The following KIAA1217 variants were observed in gnomAD, a reference collection of about 807,000 sequenced individuals.
The protein encoded by KIAA1217 is sickle tail protein homolog.
A neutral mutation model predicts 163.9 loss-of-function variants in KIAA1217; 88 were observed. The observed-to-expected ratio is 0.54, with a 90% CI of 0.45 to 0.64. The LOEUF (loss-of-function observed/expected upper bound fraction) is 0.64, where lower values mean the gene tolerates loss of function less well. Ranked by LOEUF, KIAA1217 falls within the 30% of genes least tolerant of loss-of-function variation. KIAA1217 has a pLI of 0.00. For synonymous variants in KIAA1217, 903 were observed against 923.1 expected (o/e 0.98, Z 0.39); for missense variants, 2,372 against 2,475.0 (o/e 0.96, Z 0.88).
intron 1 of KIAA1217, among the ~76,000 whole-genome samples, chr10:23,752,887 A>G (rs150345252): frequency 2.1e-4 from 32 of 152,272 alleles, no homozygotes; most frequent in African/African-American, 7.2e-4. Flanking sequence ...ACATACTACA[A>G]TTTATCACAT....
intron 1 of KIAA1217, among the ~76,000 whole-genome samples, chr10:23,732,156 G>C (rs183384003): frequency 6.6e-6 from 1 of 151,986 alleles, no homozygotes; most frequent in Non-Finnish European, 1.5e-5. Flanking sequence ...AGATTGTAAA[G>C]AGCTCGTGTA....
intron 2 of KIAA1217, among the ~76,000 whole-genome samples, chr10:24,038,216 T>TATAC (rs1165134916): frequency 9.8e-5 from 15 of 152,298 alleles, no homozygotes; most frequent in African/African-American, 3.6e-4. Context: ...GAGGGTTTGA[T>TATAC]ATACACTAAA....
chr10:23,696,156 T>A (rs949199452), intron 1 of KIAA1217, among the ~76,000 whole-genome samples: 2 of 152,244 alleles, frequency 1.3e-5, no homozygotes, highest in African/African-American at 4.8e-5. Flanking sequence ...AATGGGATTC[T>A]CCCAAGGAGG....
intron 2 of KIAA1217, among the ~76,000 whole-genome samples, chr10:24,350,559 A>C (rs2048331749): frequency 6.6e-6 from 1 of 152,226 alleles, no homozygotes; most frequent in Non-Finnish European, 1.5e-5. Context: ...CCAAGCCATA[A>C]AACATCAGTA....
At chr10:24,078,389 T>C (rs551231821) in intron 2 of KIAA1217, among the ~76,000 whole-genome samples, 1 of 152,272 alleles carries the variant, frequency 6.6e-6, no homozygotes, top group African/African-American at 2.4e-5. Flanking sequence ...GGGGAGGACA[T>C]GTTTCCACTT....
chr10:24,024,719 C>T (rs996746503), intron 2 of KIAA1217, among the ~76,000 whole-genome samples: 1 of 151,642 alleles, frequency 6.6e-6, no homozygotes, highest in Non-Finnish European at 1.5e-5. Context: ...CACATTCTCA[C>T]CATAATTTGG....
intron 6 of KIAA1217, among the ~76,000 whole-genome samples, chr10:24,479,992 G>A (rs964501280): frequency 3.3e-5 from 5 of 152,170 alleles, no homozygotes; most frequent in Admixed American, 1.3e-4. Flanking sequence ...GCACTGCCAC[G>A]TGGGGGATCA....
rs555188373 is a variant in KIAA1217 at position 23,799,523 on chromosome 10, C to T, written c.-321+104289C>T. 2.2e-4 allele frequency among the ~76,000 whole-genome samples: 34 copies of T among 152,250 alleles called. 1 individual carries two copies. Among genetic ancestry groups the T allele is most frequent in the East Asian group, 9.7e-4 (5 of 5,180 alleles). On this transcript the variant is annotated intron_variant, in intron 1 of 18. Transcript: ENST00000376462. ...TTGGACTTTGCAGAGCAGACTGTCA[C>T]GCTGCAGAAAGTGTGAAAATGGCAA...
At chr10:23,956,958 A>C (rs1844591807) in intron 1 of KIAA1217, among the ~76,000 whole-genome samples, 1 of 152,018 alleles carries the variant, frequency 6.6e-6, no homozygotes, top group Non-Finnish European at 1.5e-5. Flanking sequence ...TGGAGGGGAC[A>C]CCCATCCAAA....
At chr10:24,177,328 T>C (rs567094973) in intron 2 of KIAA1217, among the ~76,000 whole-genome samples, 1 of 129,432 alleles carries the variant, frequency 7.7e-6, no homozygotes, top group South Asian at 2.5e-4. Flanking sequence ...ATATCACATA[T>C]ATCTTTGTAT....
chr10:24,161,404 G>T (rs957540134), intron 2 of KIAA1217, among the ~76,000 whole-genome samples: 2 of 152,160 alleles, frequency 1.3e-5, no homozygotes, highest in East Asian at 3.9e-4. Flanking sequence ...GTCATCATTA[G>T]TCTTGCCTTT....
At chr10:24,052,604 T>C (rs1849593582) in intron 2 of KIAA1217, among the ~76,000 whole-genome samples, 1 of 152,190 alleles carries the variant, frequency 6.6e-6, no homozygotes, top group African/African-American at 2.4e-5. Context: ...TTCCAACTTT[T>C]AGTTTTCAAG....
At chr10:24,116,567 T>C (rs11013904) in intron 2 of KIAA1217, among the ~76,000 whole-genome samples, 16,711 of 152,186 alleles carry the variant, frequency 0.11, 1,374 homozygotes, top group African/African-American at 0.23. Flanking sequence ...TTTACAAATA[T>C]AGGCAATGGG....
intron 2 of KIAA1217, among the ~76,000 whole-genome samples, chr10:24,052,610 T>C (rs1411394762): frequency 6.6e-6 from 1 of 152,162 alleles, no homozygotes; most frequent in Non-Finnish European, 1.5e-5. Context: ...CTTTTAGTTT[T>C]CAAGTCTAAT....
At chr10:24,210,471 C>G (rs892117880) in intron 1 of KIAA1217, among the ~76,000 whole-genome samples, 8 of 142,716 alleles carry the variant, frequency 5.6e-5, no homozygotes, top group African/African-American at 7.8e-5. Context: ...ACCCCCGCAA[C>G]CCCCCACCCC....
Position 24,342,660 on chromosome 10 carries a change from T to C in KIAA1217, c.355-38209T>C, listed in dbSNP as rs1311283423. 1.6e-4 allele frequency among the ~76,000 whole-genome samples: 20 copies of C among 122,630 alleles called. 1 individual carries two copies. The East Asian group carries it at 3.4e-3, about 21-fold the overall frequency. The allele number at this position is 122,630 out of a possible 152,430, so 80.5% of individuals were successfully genotyped here. A position where few individuals can be genotyped will look rare whatever the true frequency, so the allele number is the denominator to read the frequency against. ...CATGCAGATACAACTCAATTTTTTTTTTTTTTTTTTTTTTTTGAAACAGAG... is the reference window on the plus strand; with the variant it reads ...CATGCAGATACAACTCAATTTTTTTCTTTTTTTTTTTTTTTTGAAACAGAG... On this transcript the variant is annotated intron_variant, in intron 2 of 20. Coordinates refer to ENST00000376454, the MANE Select transcript of KIAA1217 (RefSeq NM_019590.5).
chr10:24,231,725 A>G (rs2071441087), intron 2 of KIAA1217, among the ~76,000 whole-genome samples: 1 of 152,100 alleles, frequency 6.6e-6, no homozygotes, highest in Admixed American at 6.6e-5. Context: ...AAGAGAGATG[A>G]TGTTCCTCAA....
At chr10:24,166,006 A>G (rs1447004052) in intron 2 of KIAA1217, among the ~76,000 whole-genome samples, 3 of 152,210 alleles carry the variant, frequency 2.0e-5, no homozygotes, top group African/African-American at 7.2e-5. Flanking sequence ...TCCATGCTCC[A>G]TCCTCCTCCC....
At chr10:24,253,038 A>G (rs1237065991) in intron 2 of KIAA1217, among the ~76,000 whole-genome samples, 1 of 151,582 alleles carries the variant, frequency 6.6e-6, no homozygotes, top group Non-Finnish European at 1.5e-5. Flanking sequence ...AAAAGGAGCC[A>G]GTCTTGCAAA....
Sources: allele counts gnomAD v4.1 joint callset (sites outside exome capture counted in the v4.1 genomes callset), GRCh38; gene constraint gnomAD v4.1.1; transcripts MANE v1.5; gene names NCBI Gene and HGNC (gene_info 2026-07-23, HGNC 2026-07-21).